CDK19: variants seen among roughly 807,000 people sequenced by gnomAD.
The protein encoded by CDK19 is cyclin-dependent kinase 19.
CDK19 carries 20 observed loss-of-function variants against 68.3 expected under a neutral mutation model. The observed-to-expected ratio is 0.29, with a 90% CI of 0.21 to 0.43. CDK19 has a LOEUF of 0.43. CDK19 is among the 20% of genes least tolerant of loss of function. The pLI is 1.00. For missense variants in CDK19, 339 were observed against 623.5 expected (o/e 0.54, Z 4.86); for synonymous variants, 221 against 222.8 (o/e 0.99, Z 0.07).
At chr6:110,668,184 T>C (rs953904574) in intron 3 of CDK19, among the ~76,000 whole-genome samples, 2 of 152,262 alleles carry the variant, frequency 1.3e-5, no homozygotes, top group Middle Eastern at 6.8e-3. Flanking sequence ...TATAAAAACA[T>C]TGTACTGAAA....
At chr6:110,675,381 A>T (rs1771418872) in intron 2 of CDK19, among the ~76,000 whole-genome samples, 1 of 152,072 alleles carries the variant, frequency 6.6e-6, no homozygotes, top group Non-Finnish European at 1.5e-5. Context: ...TAATCCCAGC[A>T]CTTTGAGAGG....
intron 2 of CDK19, among the ~76,000 whole-genome samples, chr6:110,677,021 C>T (rs937804854): frequency 2.0e-5 from 3 of 152,182 alleles, no homozygotes; most frequent in Admixed American, 6.5e-5. Context: ...ACCTCTTATG[C>T]TTTTTCTACC....
At position 110,615,921 on chromosome 6, in the gene CDK19, T is replaced by G. The variant is rs1778284533; in HGVS notation, c.1378-1255A>C. Among the ~76,000 whole-genome samples the G allele has an allele frequency of 3.3e-5, 5 of 152,260 alleles. No homozygotes were observed. In the South Asian group the frequency reaches 1.0e-3, roughly 32 times the overall value. On this transcript the variant is annotated intron_variant, in intron 12 of 12. Coordinates refer to ENST00000368911, the MANE Select transcript of CDK19 (RefSeq NM_015076.5). Reference sequence around the variant, plus strand: ...CGGATGACTCCACCCAGACTGAGACTCATGACTCAACCAGTCCTGTGGCCC... The same window carrying G: ...CGGATGACTCCACCCAGACTGAGACGCATGACTCAACCAGTCCTGTGGCCC...
rs946632766 is a variant in CDK19, at chr6:110,815,267, G to T, written c.-131C>A. The T allele has an allele frequency of 1.9e-6, 2 of 1,064,224 alleles. No homozygotes were observed. Among genetic ancestry groups the T allele is most frequent in the Non-Finnish European group, 2.4e-6 (2 of 816,694 alleles). The allele number at this position is 1,064,224 out of a possible 1,614,324, so 65.9% of individuals were successfully genotyped here. A position where few individuals can be genotyped will look rare whatever the true frequency, so the allele number is the denominator to read the frequency against. ...CGCGCGCGCGCGCGCGCCGCCCGCC[G>T]CCCGCCGCTCCGCGGTCCGCCTTCA... On this transcript the variant is annotated 5_prime_UTR_variant, in exon 1 of 13. Transcript: ENST00000368911.
chr6:110,787,235 A>C (rs988538473), intron 1 of CDK19, among the ~76,000 whole-genome samples: 5 of 152,070 alleles, frequency 3.3e-5, no homozygotes, highest in African/African-American at 1.2e-4. Context: ...TTAGCTGGGC[A>C]TGGTGGTGCA....
intron 2 of CDK19, among the ~76,000 whole-genome samples, chr6:110,714,064 C>T (rs1009405730): frequency 6.6e-6 from 1 of 152,156 alleles, no homozygotes; most frequent in Non-Finnish European, 1.5e-5. Context: ...CAAAAAGAAA[C>T]AGCATATCCA....
chr6:110,794,514 G>C (rs1375272130), intron 1 of CDK19, among the ~76,000 whole-genome samples: 1 of 150,430 alleles, frequency 6.6e-6, no homozygotes, highest in Non-Finnish European at 1.5e-5. Context: ...TGATTCTCCT[G>C]CCTCAGCCTC....
chr6:110,729,366 C>T (rs1220542189), intron 2 of CDK19, among the ~76,000 whole-genome samples: 1 of 152,118 alleles, frequency 6.6e-6, no homozygotes, highest in Admixed American at 6.6e-5. Context: ...TATTAAGACA[C>T]TTTTACACTA....
rs556471464 is a variant in CDK19 at position 110,642,226 on chromosome 6, G to A, written c.457-3520C>T. ...TGAGGCAGGAGAATCGCTTGAACCC[G>A]GAAAGCGGGAAAGCGGAGGTTGCAG... On this transcript the variant is annotated intron_variant, in intron 4 of 12. Transcript: ENST00000368911. Among the ~76,000 whole-genome samples, 88 of 151,362 alleles carry A rather than the reference G, an allele frequency of 5.8e-4. No individual in the cohort carries two copies. In the South Asian group the frequency reaches 0.016, roughly 27 times the overall value.
intron 2 of CDK19, among the ~76,000 whole-genome samples, chr6:110,704,057 C>G (rs1404505112): frequency 6.6e-6 from 1 of 152,088 alleles, no homozygotes; most frequent in South Asian, 2.1e-4. Context: ...AATATACATA[C>G]AACAATAATC....
intron 12 of CDK19, among the ~76,000 whole-genome samples, chr6:110,617,022 T>C (rs994955320): frequency 6.6e-6 from 1 of 152,136 alleles, no homozygotes; most frequent in South Asian, 2.1e-4. Flanking sequence ...AATGGAACTG[T>C]TGGGGCACAG....
At chr6:110,778,034 T>C (rs1780533401) in intron 1 of CDK19, among the ~76,000 whole-genome samples, 1 of 152,112 alleles carries the variant, frequency 6.6e-6, no homozygotes, top group African/African-American at 2.4e-5. Flanking sequence ...ATTTGTAAGA[T>C]GAAAGAGGTC....
intron 1 of CDK19, among the ~76,000 whole-genome samples, chr6:110,801,929 A>G (rs1055365207): frequency 6.6e-6 from 1 of 152,234 alleles, no homozygotes; most frequent in Non-Finnish European, 1.5e-5. Context: ...AACATGGGAG[A>G]AAACACTCAA....
At chr6:110,703,474 T>C (rs1257270572) in intron 2 of CDK19, among the ~76,000 whole-genome samples, 1 of 152,308 alleles carries the variant, frequency 6.6e-6, no homozygotes, top group African/African-American at 2.4e-5. Context: ...AGAAAATACA[T>C]AATTTCTGAA....
At chr6:110,727,258 T>C (rs938405151) in intron 2 of CDK19, among the ~76,000 whole-genome samples, 3 of 152,086 alleles carry the variant, frequency 2.0e-5, no homozygotes, top group Admixed American at 6.6e-5. Flanking sequence ...GCCATACCCC[T>C]TTCACTAACT....
At chr6:110,655,106 G>A (rs898758845) in intron 4 of CDK19, among the ~76,000 whole-genome samples, 3 of 152,140 alleles carry the variant, frequency 2.0e-5, no homozygotes, top group Admixed American at 6.5e-5. Flanking sequence ...GGTAGCTCAC[G>A]CCTGTAATCC....
chr6:110,760,213 T>C (rs775268216), intron 1 of CDK19, among the ~76,000 whole-genome samples: 49 of 151,044 alleles, frequency 3.2e-4, no homozygotes, highest in Non-Finnish European at 6.6e-4. Flanking sequence ...CTGGCCAACA[T>C]AGTGAAACTC....
rs181797796 is a variant in CDK19 at position 110,660,301 on chromosome 6, C to T, written c.456+7133G>A. Reference sequence around the variant, plus strand: ...AGGCGAGTGGGTACAGGAGCCGGGGCGAGTACTTTTGGGTGCCAGCAGGAG... The same window carrying T: ...AGGCGAGTGGGTACAGGAGCCGGGGTGAGTACTTTTGGGTGCCAGCAGGAG... On this transcript the variant is annotated intron_variant, in intron 4 of 12. Transcript: ENST00000368911. Among the ~76,000 whole-genome samples the T allele has an allele frequency of 2.8e-4, 43 of 152,186 alleles. 1 individual carries two copies. Among genetic ancestry groups the T allele is most frequent in the African/African-American group, 1.0e-3 (43 of 41,526 alleles).
chr6:110,718,192 A>T (rs1775551780), intron 2 of CDK19, among the ~76,000 whole-genome samples: 1 of 152,160 alleles, frequency 6.6e-6, no homozygotes, highest in Non-Finnish European at 1.5e-5. Context: ...GGACTAAGAC[A>T]CCAGGTACCA....
Sources: gnomAD v4.1 joint callset for allele counts (sites outside exome capture counted in the v4.1 genomes callset) on GRCh38, gnomAD v4.1.1 for gene constraint, MANE v1.5 for transcripts, NCBI Gene and HGNC (gene_info 2026-07-23, HGNC 2026-07-21) for gene names.